The following TNKS1BP1 variants were observed in gnomAD, a reference collection of about 807,000 sequenced individuals.
TNKS1BP1 encodes CCR4-NOT transcription complex subunit 12.
TNKS1BP1 carries 48 observed loss-of-function variants against 141.1 expected under a neutral mutation model. The ratio of observed to expected loss-of-function variants is 0.34; its 90% CI spans 0.27 to 0.43. The LOEUF (loss-of-function observed/expected upper bound fraction) is 0.43, where lower values mean the gene tolerates loss of function less well. Ranked by LOEUF, TNKS1BP1 falls within the 20% of genes least tolerant of loss-of-function variation. The pLI, the probability that TNKS1BP1 is intolerant of heterozygous loss-of-function variation, is 1.00. For missense variants in TNKS1BP1, 2,149 were observed against 2,226.0 expected (o/e 0.97, Z 0.70); for synonymous variants, 875 against 898.2 (o/e 0.97, Z 0.46).
chr11:57,320,853 T>G, intron 2 of TNKS1BP1, 141 bp from the exon 3 acceptor site: 6 of 1,000,812 alleles, frequency 6.0e-6, no homozygotes, highest in Non-Finnish European at 8.4e-6. Context: ...ATGCCACCTC[T>G]TCCATGAAGC....
At chr11:57,301,068 G>GA in intron 9 of TNKS1BP1, 27 bp from the exon 10 acceptor site, 1 of 1,583,786 alleles carries the variant, frequency 6.3e-7, no homozygotes, top group Non-Finnish European at 8.6e-7. Context: ...GAAGCAGATA[G>GA]ATAGTAGAGG....
Position 57,302,194 on chromosome 11 carries a change from G to A in TNKS1BP1, c.4714C>T (p.Arg1572Trp), listed in dbSNP as rs772359323. The change falls in exon 8 of 12, where the codon CGG becomes TGG. Residue 1572 changes from arginine to tryptophan, a missense_variant. Transcript: ENST00000358252. The surrounding 1 kb of genome is among the most constrained non-coding windows in gnomAD (Gnocchi z 5.5). Reference protein sequence around the residue: ...DTEILDSAMYRSRANLGRKRG... With the variant: ...DTEILDSAMYWSRANLGRKRG... ...TTGCGCCCCAAGTTGGCACGGCTCC[G>A]ATACATGGCACTGTCGAGGATCTCG... 8 of 1,612,958 alleles carry A rather than the reference G, an allele frequency of 5.0e-6. No homozygotes were observed. The highest frequency in any genetic ancestry group is 2.2e-5 in the East Asian group (1 of 44,852).
chr11:57,306,827 T>A (rs1193299966), intron 6 of TNKS1BP1, among the ~76,000 whole-genome samples: 1 of 136,246 alleles, frequency 7.3e-6, no homozygotes, highest in Admixed American at 8.9e-5. Context: ...CATCCTAAAC[T>A]AAGGGAACAA....
rs146732294 is a variant in TNKS1BP1 at position 57,309,677 on chromosome 11, C to A, written c.3034G>T (p.Gly1012Cys). 6.5e-5 allele frequency: 105 copies of A among 1,614,252 alleles called. 1 individual carries two copies. The East Asian group carries it at 2.3e-3, about 36-fold the overall frequency. The change falls in exon 6 of 12, where the codon GGC becomes TGC. Residue 1012 changes from glycine (G) to cysteine (C), a missense_variant. Coordinates refer to ENST00000358252, the MANE Select transcript of TNKS1BP1 (RefSeq NM_033396.3). This position sits in a 1 kb window ranked among gnomAD's most constrained non-coding sequence, Gnocchi z 4.3. ...CCTGGCCGGCCAGCATCCCTGCTGC[C>A]CTCTCCAAGGCTGTCTTCCACACTT... is the stretch of plus-strand genomic sequence containing the variant. ...IPSVEDSLGE[G>C]SRDAGRPGER... is the part of the protein sequence containing the mutation.
At chr11:57,303,658 G>A (rs1005088533) in intron 6 of TNKS1BP1, among the ~76,000 whole-genome samples, 6 of 152,170 alleles carry the variant, frequency 3.9e-5, no homozygotes, top group East Asian at 1.9e-4. Flanking sequence ...CTGGCTACGC[G>A]CCGGACTAAG....
At position 57,309,774 on chromosome 11, in the gene TNKS1BP1, C is replaced by T. The variant is rs763800007; in HGVS notation, c.2937G>A (p.Thr979=). The change falls in exon 6 of 12, where the codon ACG becomes ACA. Residue 979 remains threonine, a synonymous_variant. Transcript: ENST00000358252. This position sits in a 1 kb window ranked among gnomAD's most constrained non-coding sequence, Gnocchi z 4.3. The part of the protein sequence containing the change: ...TLDAQDRSFG[T]RPLSSGFSPE... ...GGCTGAACCCAGAGCTCAGGGGTCT[C>T]GTTCCAAAGCTTCTGTCCTGGGCGT... is the stretch of plus-strand genomic sequence containing the variant. The T allele has an allele frequency of 1.5e-5, 25 of 1,614,210 alleles. No individual in the cohort carries two copies. In the South Asian group the frequency reaches 1.9e-4, roughly 12 times the overall value.
chr11:57,321,728 G>C (rs1855888937), intron 2 of TNKS1BP1, 64 bp downstream of exon 2: 3 of 1,551,948 alleles, frequency 1.9e-6, no homozygotes, highest in Non-Finnish European at 2.6e-6. Flanking sequence ...CAGAAAGAGG[G>C]GGCAGCCTCT....
Position 57,320,458 on chromosome 11 carries a change from T to C in TNKS1BP1, c.349A>G (p.Thr117Ala). 6.2e-7 allele frequency: 1 copy of C among 1,607,172 alleles called. No individual in the cohort carries two copies. The highest frequency in any genetic ancestry group is 8.5e-7 in the Non-Finnish European group (1 of 1,175,500). ...ASTGGEATQE[T>A]GKEEAGKEEP... ...TCTTTCCCAGCCTCCTCTTTCCCAGTCTCTTGGGTGGCTTCTCCTCCAGTG... is the reference window on the plus strand; with the variant it reads ...TCTTTCCCAGCCTCCTCTTTCCCAGCCTCTTGGGTGGCTTCTCCTCCAGTG... Residue 117 changes from threonine (T) to alanine (A), a missense_variant, in exon 3 of 12, where the codon ACT becomes GCT. By Grantham distance (58) the Thr-to-Ala change is moderately conservative. Coordinates refer to ENST00000358252, the MANE Select transcript of TNKS1BP1 (RefSeq NM_033396.3).
chr11:57,324,492 G>A (rs558118583), intron 1 of TNKS1BP1, among the ~76,000 whole-genome samples: 5 of 151,798 alleles, frequency 3.3e-5, no homozygotes, highest in African/African-American at 7.2e-5. Flanking sequence ...GAAGGAGCCG[G>A]GGGAGGGGGC....
At chr11:57,322,007 A>G in intron 1 of TNKS1BP1, 57 bp from the exon 2 acceptor site, 1 of 1,345,256 alleles carries the variant, frequency 7.4e-7, no homozygotes, top group African/African-American at 1.5e-5. Context: ...CAGTAGGTTT[A>G]GCAGAGAGAA....
rs777001437 is a variant in TNKS1BP1, at chr11:57,321,781, C to T, written c.94+11G>A. On this transcript the variant is annotated intron_variant, in intron 2 of 11. Transcript: ENST00000358252. ...CCCAGCCACCTGGCTCCACCCTGCA[C>T]CCATTGGTACCTGGCTCAGAGCCAG... The T allele has an allele frequency of 1.3e-5, 21 of 1,613,126 alleles. No individual in the cohort carries two copies. In the South Asian group the frequency reaches 2.3e-4, roughly 18 times the overall value.
intron 3 of TNKS1BP1, 62 bp downstream of exon 3, chr11:57,320,017 A>AAACCCCCCCCCCAGACCCCCCCGGGGGC: frequency 2.1e-6 from 1 of 483,140 alleles, no homozygotes; most frequent in Non-Finnish European, 3.5e-6. Context: ...CCCAGCCCCC[A>AAACCCCCCCCCCAGACCCCCCCGGGGGC]CCCAATCCCA....
chr11:57,321,491 A>T (rs1175275704), intron 2 of TNKS1BP1, among the ~76,000 whole-genome samples: 1 of 152,186 alleles, frequency 6.6e-6, no homozygotes, highest in Non-Finnish European at 1.5e-5. Context: ...TCCCACTTGT[A>T]CACTCCATTT....
chr11:57,315,291 C>T (rs1855781322), intron 4 of TNKS1BP1, among the ~76,000 whole-genome samples: 3 of 151,982 alleles, frequency 2.0e-5, no homozygotes, highest in Admixed American at 2.0e-4. Flanking sequence ...TTTTCAGCCC[C>T]TCTCATAGCA....
At chr11:57,314,519 A>G (rs1414095649) in intron 4 of TNKS1BP1, among the ~76,000 whole-genome samples, 1 of 152,192 alleles carries the variant, frequency 6.6e-6, no homozygotes, top group African/African-American at 2.4e-5. Context: ...GCCCTCCCTC[A>G]CATATGGCAG....
chr11:57,309,803 G>A lies in TNKS1BP1; in HGVS notation c.2908C>T (p.Leu970Phe), dbSNP rs1339127176. 1.2e-6 allele frequency: 2 copies of A among 1,614,180 alleles called. No homozygotes were observed. The highest frequency in any genetic ancestry group is 1.7e-6 in the Non-Finnish European group (2 of 1,180,032). The change falls in exon 6 of 12, where the codon CTT becomes TTT. Residue 970 changes from leucine to phenylalanine, a missense_variant. Physicochemically the swap from Leu to Phe is conservative, Grantham distance 22. Coordinates refer to ENST00000358252, the MANE Select transcript of TNKS1BP1 (RefSeq NM_033396.3). The surrounding 1 kb of genome is among the most constrained non-coding windows in gnomAD (Gnocchi z 4.3). The part of the protein sequence containing the change: ...DYSSGGSSRT[L>F]DAQDRSFGTR... ...CCAAAGCTTCTGTCCTGGGCGTCAA[G>A]GGTCCTGGAGCTGCCACCACTGCTG...
intron 6 of TNKS1BP1, among the ~76,000 whole-genome samples, chr11:57,304,312 A>T (rs11228990): frequency 0.03 from 4,635 of 152,254 alleles, 92 homozygotes; most frequent in Non-Finnish European, 0.046. Context: ...CTGTCCTTCC[A>T]CAAGCTGCTG....
intron 5 of TNKS1BP1, 132 bp downstream of exon 5, chr11:57,312,402 A>C: frequency 1.0e-6 from 1 of 977,270 alleles, no homozygotes; most frequent in Non-Finnish European, 1.4e-6. Flanking sequence ...TACAATCTGC[A>C]GGTCCACAGC....
In TNKS1BP1 at chr11:57,307,971, T is replaced by G. The variant is rs962671462; in HGVS notation, c.4316+424A>C. On this transcript the variant is annotated intron_variant, in intron 6 of 11. Coordinates refer to ENST00000358252, the MANE Select transcript of TNKS1BP1 (RefSeq NM_033396.3). ...CCACTGTCCACTCCACTCCTGGCTGTGGTGGCCCCAGCCAAGAAGACACGG... is the reference window on the plus strand; with the variant it reads ...CCACTGTCCACTCCACTCCTGGCTGGGGTGGCCCCAGCCAAGAAGACACGG... 3.3e-5 allele frequency among the ~76,000 whole-genome samples: 5 copies of G among 152,300 alleles called. No homozygotes were observed. In the East Asian group the frequency reaches 9.7e-4, roughly 29 times the overall value.
Sources: allele counts gnomAD v4.1 joint callset (sites outside exome capture counted in the v4.1 genomes callset), GRCh38; gene constraint gnomAD v4.1.1; non-coding constraint Gnocchi (gnomAD v3.1); transcripts MANE v1.5; gene names NCBI Gene and HGNC (gene_info 2026-07-23, HGNC 2026-07-21).